The following EXT1 variants were observed in gnomAD, a reference collection of about 807,000 sequenced individuals.
EXT1 encodes the protein exostosin-1.
A neutral mutation model predicts 82.5 loss-of-function variants in EXT1; 20 were observed. The ratio of observed to expected loss-of-function variants is 0.24; its 90% CI spans 0.17 to 0.35. The LOEUF is 0.35. Ranked by LOEUF, EXT1 falls within the 10% of genes least tolerant of loss-of-function variation. The pLI, the probability that EXT1 is intolerant of heterozygous loss-of-function variation, is 1.00. For missense variants in EXT1, 757 were observed against 936.5 expected (o/e 0.81, Z 2.50); for synonymous variants, 348 against 350.8 (o/e 0.99, Z 0.09).
intron 1 of EXT1, among the ~76,000 whole-genome samples, chr8:117,937,783 A>G (rs541751315): frequency 5.8e-4 from 88 of 152,346 alleles, no homozygotes; most frequent in African/African-American, 2.1e-3. Context: ...AGAAGGAGAA[A>G]AAGAGTGTGT....
In EXT1 at chr8:117,867,942, C is replaced by G. The variant is rs951182142; in HGVS notation, c.963-30741G>C. Among the ~76,000 whole-genome samples, 3 of 152,136 alleles carry G rather than the reference C, an allele frequency of 2.0e-5. No homozygotes were observed. The South Asian group carries it at 6.2e-4, about 32-fold the overall frequency. ...AGAGAAGCCCTGAGAAACTTGGGCT[C>G]AATATTGAGGGCTTCAGCACACGAC... On this transcript the variant is annotated intron_variant, in intron 1 of 10. Coordinates refer to ENST00000378204, the MANE Select transcript of EXT1 (RefSeq NM_000127.3).
At chr8:117,914,336 ATAATTGTGT>A (rs1209182308) in intron 1 of EXT1, among the ~76,000 whole-genome samples, 1 of 152,216 alleles carries the variant, frequency 6.6e-6, no homozygotes, top group Non-Finnish European at 1.5e-5. Context: ...GACCACTGTG[ATAATTGTGT>A]TAACGGTATA....
At chr8:118,059,811 T>C (rs1816854795) in intron 1 of EXT1, among the ~76,000 whole-genome samples, 1 of 152,258 alleles carries the variant, frequency 6.6e-6, no homozygotes, top group African/African-American at 2.4e-5. Context: ...CATGTTTGTG[T>C]TTCTTTGACT....
At chr8:117,812,402 T>C (rs1347667124) in intron 8 of EXT1, among the ~76,000 whole-genome samples, 4 of 152,138 alleles carry the variant, frequency 2.6e-5, no homozygotes, top group Non-Finnish European at 5.9e-5. Context: ...TGAAAGAAAA[T>C]GAGCTCTTTA....
At chr8:118,062,225 C>T (rs1472078165) in intron 1 of EXT1, among the ~76,000 whole-genome samples, 1 of 152,184 alleles carries the variant, frequency 6.6e-6, no homozygotes, top group East Asian at 1.9e-4. Flanking sequence ...ATCATCGGAA[C>T]GTCTGCTAAA....
intron 7 of EXT1, among the ~76,000 whole-genome samples, chr8:117,816,990 A>G (rs1053360954): frequency 8.7e-5 from 13 of 148,890 alleles, no homozygotes; most frequent in Admixed American, 7.3e-4. Context: ...GGGCTATTCT[A>G]TGGGGGGGAT....
intron 1 of EXT1, among the ~76,000 whole-genome samples, chr8:117,950,892 C>T (rs1347803191): frequency 1.3e-5 from 2 of 152,118 alleles, no homozygotes; most frequent in Non-Finnish European, 2.9e-5. Context: ...CTACATTGTA[C>T]TCCATGAAGA....
chr8:117,980,531 T>C (rs1412309972), intron 1 of EXT1, among the ~76,000 whole-genome samples: 1 of 152,190 alleles, frequency 6.6e-6, no homozygotes, highest in Non-Finnish European at 1.5e-5. Flanking sequence ...GTTAGTTTCC[T>C]GTTTTTCAAC....
At position 117,809,006 on chromosome 8, in the gene EXT1, T is replaced by C. The variant is rs188848157; in HGVS notation, c.1723-1629A>G. On this transcript the variant is annotated intron_variant, in intron 8 of 10. Transcript: ENST00000378204. ...TGCCCTTGGACTGGGATTTACATCA[T>C]TGGCTCCCTGGTTCTCAGGCTGTAG... Among the ~76,000 whole-genome samples, 12 of 151,950 alleles carry C rather than the reference T, an allele frequency of 7.9e-5. No individual in the cohort carries two copies. The East Asian group carries it at 1.4e-3, about 17-fold the overall frequency.
At chr8:117,952,350 G>A (rs773023752) in intron 1 of EXT1, among the ~76,000 whole-genome samples, 4 of 152,102 alleles carry the variant, frequency 2.6e-5, no homozygotes, top group Admixed American at 1.3e-4. Flanking sequence ...AAAACTATTC[G>A]GCAAACATTT....
At chr8:118,002,817 C>T (rs1815700504) in intron 1 of EXT1, among the ~76,000 whole-genome samples, 1 of 152,224 alleles carries the variant, frequency 6.6e-6, no homozygotes, top group Admixed American at 6.5e-5. Context: ...CAGGCGTGAG[C>T]CACTGCACCC....
chr8:117,964,589 G>T (rs572715199), intron 1 of EXT1, among the ~76,000 whole-genome samples: 2 of 150,486 alleles, frequency 1.3e-5, no homozygotes, highest in East Asian at 3.9e-4. Context: ...CACAGAAAGA[G>T]AAATTTTTGT....
intron 1 of EXT1, among the ~76,000 whole-genome samples, chr8:118,090,805 A>AAAAAAAAAAAAC (rs1817510160): frequency 6.7e-6 from 1 of 148,466 alleles, no homozygotes. Flanking sequence ...AAAAAAAAAA[A>AAAAAAAAAAAAC]AAAAGCATGT....
intron 1 of EXT1, among the ~76,000 whole-genome samples, chr8:118,036,008 C>G (rs1332192747): frequency 2.6e-5 from 4 of 152,084 alleles, no homozygotes; most frequent in African/African-American, 4.8e-5. Context: ...CAAACAAAAA[C>G]ACTTAGGCAG....
chr8:118,035,254 T>G (rs140485128), intron 1 of EXT1, among the ~76,000 whole-genome samples: 70 of 152,220 alleles, frequency 4.6e-4, no homozygotes, highest in African/African-American at 1.7e-3. Context: ...CACAGGAAGC[T>G]TGGAATTTGG....
At chr8:117,897,298 A>G (rs540196013) in intron 1 of EXT1, among the ~76,000 whole-genome samples, 2 of 152,288 alleles carry the variant, frequency 1.3e-5, no homozygotes, top group East Asian at 1.9e-4. Flanking sequence ...AGGAGCTGGT[A>G]GTCATGCATC....
At position 117,794,898 on chromosome 8, in the gene EXT1, C is replaced by A. The variant is rs1586985114; in HGVS notation, c.*4814G>T. 1 of 152,094 alleles carries A rather than the reference C, an allele frequency of 6.6e-6. No individual in the cohort carries two copies. The highest frequency in any genetic ancestry group is 1.9e-4 in the East Asian group (1 of 5,184). 9.4% of individuals were successfully genotyped at this position (152,094 alleles called of 1,614,324 possible). On this transcript the variant is annotated 3_prime_UTR_variant, in exon 11 of 11. Coordinates refer to ENST00000378204, the MANE Select transcript of EXT1 (RefSeq NM_000127.3). ...AGTTTTTGATGTCTTTCTTTCTGCC[C>A]CTCAACATATCCTATACATATTGTT...
chr8:118,102,167 T>C (rs959242761), intron 1 of EXT1, among the ~76,000 whole-genome samples: 3 of 151,968 alleles, frequency 2.0e-5, no homozygotes, highest in Non-Finnish European at 4.4e-5. Context: ...CTCGGGAGGC[T>C]GAAGCAGCAG....
chr8:117,966,965 T>G (rs1814830395), intron 1 of EXT1, among the ~76,000 whole-genome samples: 1 of 152,192 alleles, frequency 6.6e-6, no homozygotes. Context: ...TACCATGCAC[T>G]ATATTTTGAT....
Sources: allele counts gnomAD v4.1 joint callset (sites outside exome capture counted in the v4.1 genomes callset), GRCh38; gene constraint gnomAD v4.1.1; transcripts MANE v1.5; gene names NCBI Gene and HGNC (gene_info 2026-07-23, HGNC 2026-07-21).